The following SV2C variants were observed in gnomAD, a reference collection of about 807,000 sequenced individuals.
SV2C encodes the protein synaptic vesicle glycoprotein 2C.
Under a neutral mutation model 79.7 loss-of-function variants are expected in SV2C, and 49 were observed. The observed-to-expected ratio is 0.61, with a 90% CI of 0.49 to 0.78. The LOEUF is 0.78. SV2C is among the 30% of genes least tolerant of loss of function. The probability of loss-of-function intolerance (pLI) is 0.00; values close to 1 mark genes in which losing one functional copy is unlikely to be tolerated. For synonymous variants in SV2C, 334 were observed against 333.2 expected, an observed-to-expected ratio of 1.00 and a Z score of -0.03; for missense variants, 833 against 912.9, an observed-to-expected ratio of 0.91 and a Z score of 1.13.
At chr5:76,203,089 A>G (rs1471339659) in intron 3 of SV2C, among the ~76,000 whole-genome samples, 3 of 152,202 alleles carry the variant, frequency 2.0e-5, no homozygotes, top group African/African-American at 7.2e-5. Flanking sequence ...TTTGTTTCCC[A>G]GTATACCCTT....
chr5:75,990,386 G>A, the SV2C span, among the ~76,000 whole-genome samples: 1 of 151,780 alleles, frequency 6.6e-6, no homozygotes, highest in Non-Finnish European at 1.5e-5. Context: ...TCAAGAATAA[G>A]CCACCATTTT....
chr5:75,921,662 C>T, the SV2C span: 25 of 672,808 alleles, frequency 3.7e-5, no homozygotes, highest in Non-Finnish European at 4.6e-5. Flanking sequence ...GCGGGGGCCC[C>T]CTTTTATCTG....
chr5:76,327,779 G>A lies in SV2C; in HGVS notation c.*2232G>A, dbSNP rs1300603144. The A allele has an allele frequency of 6.6e-6, 1 of 152,140 alleles. No individual in the cohort carries two copies. Among genetic ancestry groups the A allele is most frequent in the African/African-American group, 2.4e-5 (1 of 41,406 alleles). 9.4% of individuals were successfully genotyped at this position (152,140 alleles called of 1,614,324 possible). On this transcript the variant is annotated 3_prime_UTR_variant, in exon 13 of 13. Coordinates refer to ENST00000502798, the MANE Select transcript of SV2C (RefSeq NM_014979.4). ...CAAAATATCTCTAATGTCTGCTCTGGGGTCTAAATGCATAAAACATCTCCC... is the reference window on the plus strand; with the variant it reads ...CAAAATATCTCTAATGTCTGCTCTGAGGTCTAAATGCATAAAACATCTCCC...
the SV2C span, among the ~76,000 whole-genome samples, chr5:75,936,058 T>C: frequency 6.6e-6 from 1 of 152,234 alleles, no homozygotes; most frequent in African/African-American, 2.4e-5. Flanking sequence ...CATTAGGGTA[T>C]ATTTTGTTAC....
chr5:75,944,309 T>A, the SV2C span, among the ~76,000 whole-genome samples: 1 of 152,222 alleles, frequency 6.6e-6, no homozygotes, highest in African/African-American at 2.4e-5. Context: ...GTTGTCTTTT[T>A]GGCCTAATCC....
chr5:75,927,845 T>TA, the SV2C span, among the ~76,000 whole-genome samples: 3 of 151,990 alleles, frequency 2.0e-5, no homozygotes, highest in East Asian at 1.9e-4. Context: ...TCAATAAAGC[T>TA]AAAAAAAATT....
chr5:76,030,848 C>T, the SV2C span, among the ~76,000 whole-genome samples: 1 of 152,076 alleles, frequency 6.6e-6, no homozygotes, highest in Non-Finnish European at 1.5e-5. Context: ...GAATATTTTG[C>T]TGGCTACAAT....
At chr5:76,342,937 T>C (rs1359405407) in intron 12 of SV2C, among the ~76,000 whole-genome samples, 1 of 151,354 alleles carries the variant, frequency 6.6e-6, no homozygotes, top group Non-Finnish European at 1.5e-5. Context: ...TTTCCCAGGC[T>C]GGTCTCGAAC....
At chr5:75,946,617 T>G in the SV2C span, among the ~76,000 whole-genome samples, 1 of 152,088 alleles carries the variant, frequency 6.6e-6, no homozygotes, top group Non-Finnish European at 1.5e-5. Flanking sequence ...TGTCAAAACA[T>G]CTAACAAAAT....
chr5:76,259,826 A>AT (rs1188698537), intron 4 of SV2C, among the ~76,000 whole-genome samples: 5 of 152,072 alleles, frequency 3.3e-5, no homozygotes, highest in Non-Finnish European at 5.9e-5. Flanking sequence ...TATGTGCCAC[A>AT]TTTTTTTATC....
intron 2 of SV2C, among the ~76,000 whole-genome samples, chr5:76,185,550 C>G (rs993235779): frequency 6.6e-6 from 1 of 152,234 alleles, no homozygotes; most frequent in Non-Finnish European, 1.5e-5. Context: ...TTCTGTGCAT[C>G]CCCAGGCCCA....
intron 3 of SV2C, among the ~76,000 whole-genome samples, chr5:76,205,175 G>A (rs951080500): frequency 6.6e-6 from 1 of 151,960 alleles, no homozygotes; most frequent in African/African-American, 2.4e-5. Context: ...GTGTATGTGT[G>A]TGTGTGTCTG....
chr5:76,198,103 ACTT>A (rs1744328095), intron 3 of SV2C, among the ~76,000 whole-genome samples: 1 of 152,116 alleles, frequency 6.6e-6, no homozygotes, highest in African/African-American at 2.4e-5. Flanking sequence ...TGAGGGCAGA[ACTT>A]CTCCACTCAG....
the SV2C span, among the ~76,000 whole-genome samples, chr5:75,866,613 A>G: frequency 2.6e-5 from 4 of 152,226 alleles, no homozygotes; most frequent in African/African-American, 9.6e-5. Context: ...AAGACAAAAC[A>G]CCTAAGAATC....
chr5:76,231,685 G>A (rs1745428326), intron 4 of SV2C, among the ~76,000 whole-genome samples: 1 of 142,388 alleles, frequency 7.0e-6, no homozygotes, highest in Non-Finnish European at 1.5e-5. Context: ...AGAATATGCG[G>A]TGTTTGGTGT....
the SV2C span, among the ~76,000 whole-genome samples, chr5:75,930,162 TC>T: frequency 6.6e-6 from 1 of 152,018 alleles, no homozygotes; most frequent in African/African-American, 2.4e-5. Context: ...TTCCCTCCCT[TC>T]CCCCGCTTCT....
intron 4 of SV2C, among the ~76,000 whole-genome samples, chr5:76,212,690 T>G (rs2112360359): frequency 6.6e-6 from 1 of 152,292 alleles, no homozygotes; most frequent in Admixed American, 6.5e-5. Flanking sequence ...CACTGGCTTC[T>G]GCAGCCTACG....
the SV2C span, among the ~76,000 whole-genome samples, chr5:75,933,182 C>G: frequency 6.6e-6 from 1 of 152,178 alleles, no homozygotes; most frequent in Non-Finnish European, 1.5e-5. Flanking sequence ...TTTCCTAACC[C>G]TACCCCCGCA....
chr5:76,336,819 G>A (rs1328763355), downstream of SV2C, among the ~76,000 whole-genome samples: 1 of 152,202 alleles, frequency 6.6e-6, no homozygotes, highest in Non-Finnish European at 1.5e-5. Context: ...GAAAAGAAAA[G>A]TCCACAGGCT....
Sources: allele counts gnomAD v4.1 joint callset (sites outside exome capture counted in the v4.1 genomes callset), GRCh38; gene constraint gnomAD v4.1.1; transcripts MANE v1.5; gene names NCBI Gene and HGNC (gene_info 2026-07-23, HGNC 2026-07-21).